Variants in CABLES1 observed in about 807,000 individuals in gnomAD.
CABLES1 encodes the protein Cdk5 and Abl enzyme substrate 1.
A neutral mutation model predicts 57.8 loss-of-function variants in CABLES1; 36 were observed. That is an observed-to-expected ratio of 0.62 (90% CI 0.48 to 0.82). The LOEUF (loss-of-function observed/expected upper bound fraction) is 0.82, where lower values mean the gene tolerates loss of function less well. CABLES1 is among the 40% of genes least tolerant of loss of function. CABLES1 has a pLI of 0.00. For synonymous variants in CABLES1, 374 were observed against 363.0 expected, an observed-to-expected ratio of 1.03 and a Z score of -0.35; for missense variants, 767 against 836.6, an observed-to-expected ratio of 0.92 and a Z score of 1.03.
At chr18:23,161,612 T>C (rs2047004593) in intron 1 of CABLES1, among the ~76,000 whole-genome samples, 2 of 150,870 alleles carry the variant, frequency 1.3e-5, no homozygotes. Context: ...TATACTTCTT[T>C]TAAAAATGAT....
At chr18:23,137,338 G>A (rs948772085) in intron 1 of CABLES1, among the ~76,000 whole-genome samples, 9 of 152,190 alleles carry the variant, frequency 5.9e-5, no homozygotes, top group African/African-American at 2.2e-4. Context: ...AACGCTGGAC[G>A]TTTGCTTATT....
At chr18:23,214,335 GCCCA>G in intron 4 of CABLES1, 1 of 305,394 alleles carries the variant, frequency 3.3e-6, no homozygotes, top group African/African-American at 2.2e-5. Context: ...ACATTATGGG[GCCCA>G]CCATATTCCA....
In CABLES1 at chr18:23,247,543, G is replaced by A. The variant is rs545592572; in HGVS notation, c.1447-5417G>A. ...ATGCAGCTGAGCGGGAGCAGGACAC[G>A]GAACAGCCCCACAGATCAGGTGCCT... On this transcript the variant is annotated intron_variant, in intron 7 of 9. Transcript: ENST00000256925. 1.4e-3 allele frequency among the ~76,000 whole-genome samples: 216 copies of A among 152,340 alleles called. 1 individual carries two copies. The highest frequency in any genetic ancestry group is 4.7e-3 in the African/African-American group (197 of 41,574).
chr18:23,207,218 G>A (rs2145044154), intron 3 of CABLES1, among the ~76,000 whole-genome samples: 1 of 152,326 alleles, frequency 6.6e-6, no homozygotes, highest in East Asian at 1.9e-4. Flanking sequence ...GCTCAGTGGG[G>A]GTTGGTGGCG....
chr18:23,191,616 A>G (rs6507528), intron 2 of CABLES1, among the ~76,000 whole-genome samples: 87,991 of 152,092 alleles, frequency 0.58, 25,804 homozygotes, highest in Middle Eastern at 0.67. Context: ...GAATCTATTA[A>G]ACCTTTTGCA....
chr18:23,239,021 C>T (rs533183023), intron 7 of CABLES1, among the ~76,000 whole-genome samples: 1 of 152,306 alleles, frequency 6.6e-6, no homozygotes, highest in South Asian at 2.1e-4. Flanking sequence ...GTGATAATGC[C>T]GACCTCTCCT....
intron 3 of CABLES1, 85 bp downstream of exon 3, chr18:23,194,625 TC>T (rs894050010): frequency 2.3e-6 from 2 of 855,232 alleles, no homozygotes; most frequent in East Asian, 4.9e-5. Context: ...TGGCCAAAAC[TC>T]AGCAAACGCA....
intron 2 of CABLES1, among the ~76,000 whole-genome samples, chr18:23,189,707 T>C (rs531889615): frequency 7.1e-4 from 108 of 152,332 alleles, no homozygotes; most frequent in Non-Finnish European, 6.0e-4. Context: ...CGAACCCGCA[T>C]CTGCACCGTG....
intron 4 of CABLES1, among the ~76,000 whole-genome samples, chr18:23,215,639 C>T (rs896059471): frequency 1.3e-5 from 2 of 152,160 alleles, no homozygotes; most frequent in African/African-American, 4.8e-5. Flanking sequence ...GTCATGTGAC[C>T]AGGTGCCCGG....
rs776532142 is a variant in CABLES1 at position 23,136,407 on chromosome 18, C to T, written c.645C>T (p.Ile215=). ...AGTTGGAGGAGGACGATGCCTTTATCAGCGTGCAGGTGCCGGCGGCCGCCT... is the reference window on the plus strand; with the variant it reads ...AGTTGGAGGAGGACGATGCCTTTATTAGCGTGCAGGTGCCGGCGGCCGCCT... The part of the protein sequence containing the change: ...QEELEEDDAF[I]SVQVPAAAFL... Residue 215 remains isoleucine, a synonymous_variant, in exon 1 of 10, where the codon ATC becomes ATT. Transcript: ENST00000256925. The T allele has an allele frequency of 3.1e-6, 5 of 1,596,496 alleles. No homozygotes were observed. The highest frequency in any genetic ancestry group is 1.3e-5 in the African/African-American group (1 of 74,074).
chr18:23,240,045 G>A (rs779049997), intron 7 of CABLES1, among the ~76,000 whole-genome samples: 45 of 152,192 alleles, frequency 3.0e-4, no homozygotes, highest in Non-Finnish European at 5.6e-4. Context: ...TTGAACCCAG[G>A]AGGCAGAGGC....
chr18:23,137,125 C>G (rs953365674), intron 1 of CABLES1, among the ~76,000 whole-genome samples: 1 of 152,214 alleles, frequency 6.6e-6, no homozygotes, highest in Non-Finnish European at 1.5e-5. Context: ...TTGGCTTTTT[C>G]CATTTGCTTT....
chr18:23,235,786 A>G, intron 5 of CABLES1, 109 bp from the exon 6 acceptor site: 1 of 1,121,076 alleles, frequency 8.9e-7, no homozygotes, highest in Non-Finnish European at 1.3e-6. Context: ...AGAATTGCAA[A>G]TAGGAGAAAG....
intron 1 of CABLES1, among the ~76,000 whole-genome samples, chr18:23,161,068 G>A (rs1363685710): frequency 6.6e-6 from 1 of 151,774 alleles, no homozygotes; most frequent in Non-Finnish European, 1.5e-5. Context: ...AAACAACTGG[G>A]TATGGTGGCT....
chr18:23,153,121 C>CTT (rs1040222113), intron 1 of CABLES1, among the ~76,000 whole-genome samples: 1 of 147,590 alleles, frequency 6.8e-6, no homozygotes, highest in Non-Finnish European at 1.5e-5. Context: ...TTTAATGTTA[C>CTT]TTTTTTTTTT....
chr18:23,135,229 C>T (rs2046808650), upstream of CABLES1, among the ~76,000 whole-genome samples: 1 of 152,166 alleles, frequency 6.6e-6, no homozygotes. Context: ...GCCAACTCTC[C>T]CAGCAGGCAG....
chr18:23,135,525 G>T lies in CABLES1; in HGVS notation c.-238G>T, dbSNP rs1039854651. On this transcript the variant is annotated 5_prime_UTR_variant, in exon 1 of 10. Transcript: ENST00000256925. ...GGCGACCGGCGGGCGGCCAGCCAGC[G>T]AGCCGAACTAGCCGAGCTAGGTAGC... The T allele has an allele frequency of 6.3e-6, 1 of 157,840 alleles. No homozygotes were observed. The highest frequency in any genetic ancestry group is 2.4e-5 in the African/African-American group (1 of 41,466). 9.8% of individuals were successfully genotyped at this position (157,840 alleles called of 1,614,324 possible).
At chr18:23,199,535 T>C (rs1164356048) in intron 3 of CABLES1, among the ~76,000 whole-genome samples, 2 of 152,232 alleles carry the variant, frequency 1.3e-5, no homozygotes, top group Non-Finnish European at 2.9e-5. Context: ...TCAGTACTGA[T>C]ACATGCTACA....
intron 1 of CABLES1, among the ~76,000 whole-genome samples, chr18:23,150,217 T>TTTTTTGTTTTTGTTTTTG: frequency 6.9e-6 from 1 of 145,098 alleles, no homozygotes; most frequent in Admixed American, 6.8e-5. Flanking sequence ...GTTTTTTTTT[T>TTTTTTGTTTTTGTTTTTG]TTTTTTTTTG....
Sources: allele counts gnomAD v4.1 joint callset (sites outside exome capture counted in the v4.1 genomes callset), GRCh38; gene constraint gnomAD v4.1.1; transcripts MANE v1.5; gene names NCBI Gene and HGNC (gene_info 2026-07-23, HGNC 2026-07-21).